HECTD4: variants seen among roughly 807,000 people sequenced by gnomAD.
The protein encoded by HECTD4 is probable E3 ubiquitin-protein ligase HECTD4.
A neutral mutation model predicts 471.5 loss-of-function variants in HECTD4; 114 were observed. That is an observed-to-expected ratio of 0.24 (90% CI 0.21 to 0.28). HECTD4 has a LOEUF of 0.28. Ranked by LOEUF, HECTD4 falls within the 10% of genes least tolerant of loss-of-function variation. The pLI is 1.00. For synonymous variants in HECTD4, 2,012 were observed against 2,256.0 expected (o/e 0.89, Z 3.07); for missense variants, 3,866 against 5,651.5 (o/e 0.68, Z 10.13).
chr12:112,304,313 G>A (rs1051649717), intron 7 of HECTD4, among the ~76,000 whole-genome samples: 3 of 143,474 alleles, frequency 2.1e-5, no homozygotes, highest in East Asian at 2.6e-4. Flanking sequence ...GGTACAATCA[G>A]GGCTCACTGT....
intron 7 of HECTD4, among the ~76,000 whole-genome samples, chr12:112,304,310 T>A (rs1176113107): frequency 1.4e-5 from 2 of 142,080 alleles, no homozygotes; most frequent in African/African-American, 5.2e-5. Context: ...ACTGGTACAA[T>A]CAGGGCTCAC....
intron 4 of HECTD4, among the ~76,000 whole-genome samples, chr12:112,309,991 A>G (rs930388331): frequency 6.6e-6 from 1 of 152,184 alleles, no homozygotes; most frequent in Non-Finnish European, 1.5e-5. Flanking sequence ...ATTTGAAATG[A>G]CTAATCATAA....
intron 39 of HECTD4, 24 bp from the exon 40 acceptor site, chr12:112,230,846 T>C (rs774813952): frequency 3.7e-6 from 6 of 1,602,088 alleles, no homozygotes; most frequent in Non-Finnish European, 5.1e-6. Context: ...CAGGAAAAAG[T>C]GTCAGTGCCC....
At chr12:112,258,905 T>C in intron 19 of HECTD4, 1 of 583,306 alleles carries the variant, frequency 1.7e-6, no homozygotes, top group Non-Finnish European at 2.9e-6. Context: ...TGCTAAAAGG[T>C]TGCAGTTAGT....
chr12:112,225,820 G>A (rs1450591256), intron 44 of HECTD4, among the ~76,000 whole-genome samples: 1 of 152,040 alleles, frequency 6.6e-6, no homozygotes, highest in Non-Finnish European at 1.5e-5. Flanking sequence ...TAGAGACAGG[G>A]TCTCACTATG....
intron 7 of HECTD4, among the ~76,000 whole-genome samples, chr12:112,300,732 A>C (rs371953717): frequency 4.7e-5 from 7 of 148,640 alleles, no homozygotes; most frequent in South Asian, 4.3e-4. Flanking sequence ...CGAGTAGCTA[A>C]GACTACAGGA....
chr12:112,211,426 A>C (rs1351777928), intron 49 of HECTD4, among the ~76,000 whole-genome samples: 1 of 152,108 alleles, frequency 6.6e-6, no homozygotes, highest in Non-Finnish European at 1.5e-5. Context: ...GCATGACACG[A>C]GAAGCCACTA....
In HECTD4 at chr12:112,339,117, C is replaced by T. The variant is rs370575291; in HGVS notation, c.178-19375G>A. On this transcript the variant is annotated intron_variant, in intron 1 of 75. Transcript: ENST00000682272. ...TAGAAATTCTTGCACATGAACACCACATGACACGAACAAGAATATTCGTAG... is the reference window on the plus strand; with the variant it reads ...TAGAAATTCTTGCACATGAACACCATATGACACGAACAAGAATATTCGTAG... Among the ~76,000 whole-genome samples the T allele has an allele frequency of 5.5e-4, 83 of 152,180 alleles. 2 individuals carry two copies. In the South Asian group the frequency reaches 0.017, roughly 31 times the overall value.
Position 112,208,452 on chromosome 12 carries a change from C to A in HECTD4, c.8004+42G>T, listed in dbSNP as rs1266480716. The A allele has an allele frequency of 3.3e-6, 5 of 1,502,936 alleles. No individual in the cohort carries two copies. In the African/African-American group the frequency reaches 4.2e-5, roughly 13 times the overall value. 93.1% of individuals were successfully genotyped at this position (1,502,936 alleles called of 1,614,324 possible). ...TTGTCCTAGTCACTAGGGAGCTAAG[C>A]AAATGCTGCTGAGTCCTGATCTAAG... On this transcript the variant is annotated intron_variant, in intron 51 of 75. Coordinates refer to ENST00000682272, the MANE Select transcript of HECTD4 (RefSeq NM_001388303.1).
In HECTD4 at chr12:112,306,181, C is replaced by G; in HGVS notation, c.1218G>C (p.Met406Ile). Reference sequence around the variant, plus strand: ...CATCTGAAGACAGGTGCACAGTGCTCATGGTGCTGCCAATGGGGAGGTGAT... The same window carrying G: ...CATCTGAAGACAGGTGCACAGTGCTGATGGTGCTGCCAATGGGGAGGTGAT... ...PANHLPIGSTMSTVHLSSDGT... is the reference protein window; with the variant it reads ...PANHLPIGSTISTVHLSSDGT... The change falls in exon 7 of 76, where the codon ATG becomes ATC. Residue 406 changes from methionine to isoleucine, a missense_variant. Physicochemically the swap from Met to Ile is conservative, Grantham distance 10 (BLOSUM62 1). Coordinates refer to ENST00000682272, the MANE Select transcript of HECTD4 (RefSeq NM_001388303.1). The G allele has an allele frequency of 6.2e-7, 1 of 1,603,586 alleles. No homozygotes were observed. The highest frequency in any genetic ancestry group is 8.5e-7 in the Non-Finnish European group (1 of 1,176,576).
intron 7 of HECTD4, among the ~76,000 whole-genome samples, chr12:112,286,852 C>T (rs1378917381): frequency 1.3e-5 from 2 of 152,164 alleles, no homozygotes; most frequent in South Asian, 2.1e-4. Context: ...CAACTCAACC[C>T]TCTCTCACTA....
chr12:112,373,607 A>C (rs1358334487), intron 1 of HECTD4, among the ~76,000 whole-genome samples: 1 of 152,186 alleles, frequency 6.6e-6, no homozygotes, highest in Non-Finnish European at 1.5e-5. Flanking sequence ...AAATAAAATA[A>C]TGGATGTGAA....
Position 112,228,028 on chromosome 12 carries a change from TC to T in HECTD4, c.6854+60del, listed in dbSNP as rs1391712601. On this transcript the variant is annotated intron_variant, in intron 43 of 75. Transcript: ENST00000682272. This position sits in a 1 kb window ranked among gnomAD's most constrained non-coding sequence, Gnocchi z 4.9. Reference sequence around the variant, plus strand: ...TGGGAGTGGAGGGGCCCACCAAGGATCCCTTCTTCTGTCAGCTTGCACCATG... The same window carrying T: ...TGGGAGTGGAGGGGCCCACCAAGGATCCTTCTTCTGTCAGCTTGCACCATG... 2 of 1,460,908 alleles carry T rather than the reference TC, an allele frequency of 1.4e-6. No individual in the cohort carries two copies. The highest frequency in any genetic ancestry group is 1.8e-6 in the Non-Finnish European group (2 of 1,095,280). 90.5% of individuals were successfully genotyped at this position (1,460,908 alleles called of 1,614,324 possible). A position where few individuals can be genotyped will look rare whatever the true frequency, so the allele number is the denominator to read the frequency against.
rs1448204887 is a variant in HECTD4, at chr12:112,163,432, A to G, written c.12897+110T>C. 1.8e-6 allele frequency: 2 copies of G among 1,094,794 alleles called. No homozygotes were observed. The highest frequency in any genetic ancestry group is 1.6e-5 in the African/African-American group (1 of 62,772). 67.8% of individuals were successfully genotyped at this position (1,094,794 alleles called of 1,614,324 possible). On this transcript the variant is annotated intron_variant, in intron 74 of 75. Transcript: ENST00000682272. The surrounding 1 kb of genome is among the most constrained non-coding windows in gnomAD (Gnocchi z 8.2). ...ACAATGATACAGGTCTGTGGCAAGG[A>G]CAGAGCTGAGACAGGCCACTGCCGA...
chr12:112,288,060 GGCTCAT>G (rs1379340964), intron 7 of HECTD4, among the ~76,000 whole-genome samples: 1 of 151,534 alleles, frequency 6.6e-6, no homozygotes, highest in Admixed American at 6.6e-5. Context: ...CAGGCACGGT[GGCTCAT>G]GCCTGTAATC....
At chr12:112,233,135 A>G (rs535312523) in intron 37 of HECTD4, 50 bp from the exon 38 acceptor site, 1 of 1,500,606 alleles carries the variant, frequency 6.7e-7, no homozygotes, top group African/African-American at 1.4e-5. Context: ...GCACTGCCAA[A>G]AGTGGGCTGC....
intron 1 of HECTD4, among the ~76,000 whole-genome samples, chr12:112,365,722 T>C (rs180917968): frequency 7.9e-5 from 12 of 152,052 alleles, no homozygotes; most frequent in African/African-American, 2.4e-4. Context: ...AAAAACAATG[T>C]TTCTCTTGGG....
Position 112,229,965 on chromosome 12 carries a change from C to T in HECTD4, c.6337-85G>A, listed in dbSNP as rs1429712432. The T allele has an allele frequency of 2.3e-6, 3 of 1,282,298 alleles. No homozygotes were observed. The African/African-American group carries it at 4.5e-5, about 19-fold the overall frequency. 79.4% of individuals were successfully genotyped at this position (1,282,298 alleles called of 1,614,324 possible). A position where few individuals can be genotyped will look rare whatever the true frequency, so the allele number is the denominator to read the frequency against. On this transcript the variant is annotated intron_variant, in intron 40 of 75. Transcript: ENST00000682272. ...GGTGATAAAGTGTCTACAACAGTGC[C>T]TGGGTCCCATGTATTGAAGGAACTC... is the stretch of plus-strand genomic sequence containing the variant.
In HECTD4 at chr12:112,269,744, T is replaced by C; in HGVS notation, c.2281A>G (p.Ile761Val). 2 of 1,613,984 alleles carry C rather than the reference T, an allele frequency of 1.2e-6. No homozygotes were observed. Residue 761 changes from isoleucine (I) to valine (V), a missense_variant, in exon 13 of 76, where the codon ATT (isoleucine) becomes GTT (valine). By Grantham distance (29) the Ile-to-Val change is conservative (BLOSUM62 3). Coordinates refer to ENST00000682272, the MANE Select transcript of HECTD4 (RefSeq NM_001388303.1). ...ACTTCCTTCTGAATTTCAGGGCAAA[T>C]TTGATCTTTTGGAGCCATCAACAAC... ...WQLLMAPKDQICPEIQKEVCL... is the reference protein window; with the variant it reads ...WQLLMAPKDQVCPEIQKEVCL...
Sources: gnomAD v4.1 joint callset for allele counts (sites outside exome capture counted in the v4.1 genomes callset) on GRCh38, gnomAD v4.1.1 for gene constraint, Gnocchi (gnomAD v3.1) non-coding constraint, MANE v1.5 for transcripts, NCBI Gene and HGNC (gene_info 2026-07-23, HGNC 2026-07-21) for gene names.